Variants in PAXBP1 observed in about 807,000 individuals in gnomAD.
PAXBP1 encodes PAX3 and PAX7 binding protein 1, also known as PAX3- and PAX7-binding protein 1.
Under a neutral mutation model 119.9 loss-of-function variants are expected in PAXBP1, and 44 were observed. The ratio of observed to expected loss-of-function variants is 0.37; its 90% confidence interval spans 0.29 to 0.47. The LOEUF (loss-of-function observed/expected upper bound fraction) is 0.47. Ranked by LOEUF, PAXBP1 falls within the 20% of genes least tolerant of loss-of-function variation. The pLI, the probability that PAXBP1 is intolerant of heterozygous loss-of-function variation, is 0.99. For synonymous variants in PAXBP1, 393 were observed against 406.6 expected, an observed-to-expected ratio of 0.97 and a Z score of 0.40; for missense variants, 898 against 1,134.1, an observed-to-expected ratio of 0.79 and a Z score of 2.99.
chr21:32,737,337 G>A lies in PAXBP1; in HGVS notation c.2553C>T (p.Asn851=). Residue 851 remains asparagine (N), a synonymous_variant, in exon 17 of 18, where the codon AAC becomes AAT. Coordinates refer to ENST00000331923, the MANE Select transcript of PAXBP1 (RefSeq NM_016631.4). ...KGERTISQLE[N]FCRYLVHLAD... ...CTAAGTGTACAAGGTATCGGCAAAA[G>A]TTTTCTAACTGAGAAATAGTCCTTT... The A allele has an allele frequency of 6.2e-7, 1 of 1,609,542 alleles. No homozygotes were observed.
At chr21:32,741,687 A>G (rs1234407427) in intron 15 of PAXBP1, 2 of 620,538 alleles carry the variant, frequency 3.2e-6, no homozygotes, top group East Asian at 5.6e-5. Context: ...GCAGAGGCAA[A>G]ATTAAGAGTA....
intron 13 of PAXBP1, 94 bp from the exon 14 acceptor site, chr21:32,743,848 G>A (rs1323097986): frequency 2.9e-6 from 2 of 694,416 alleles, no homozygotes; most frequent in African/African-American, 1.8e-5. Flanking sequence ...ATTGAACTGA[G>A]TGAACTAGTT....
intron 13 of PAXBP1, 22 bp downstream of exon 13, chr21:32,744,770 G>C: frequency 6.5e-7 from 1 of 1,533,368 alleles, no homozygotes; most frequent in Non-Finnish European, 8.7e-7. Flanking sequence ...AAAAAAAAAG[G>C]CTTCAAAAGA....
At chr21:32,760,695 A>G (rs1356999061) in intron 5 of PAXBP1, among the ~76,000 whole-genome samples, 1 of 152,070 alleles carries the variant, frequency 6.6e-6, no homozygotes. Flanking sequence ...CACCACCCCA[A>G]GCTTCTGACT....
chr21:32,762,307 T>A lies in PAXBP1; in HGVS notation c.660A>T (p.Pro220=). ...SLNVLRPGEI[P]DAAFIHAARK... ...TTGCAGCATGTATAAAAGCTGCATC[T>A]GGAATTTCTCCTAGAAACAAATGGT... Residue 220 remains proline, a synonymous_variant, in exon 4 of 18, where the codon CCA becomes CCT. Coordinates refer to ENST00000331923, the MANE Select transcript of PAXBP1 (RefSeq NM_016631.4). 6.2e-7 allele frequency: 1 copy of A among 1,613,348 alleles called. No homozygotes were observed. Among genetic ancestry groups the A allele is most frequent in the Non-Finnish European group, 8.5e-7 (1 of 1,179,564 alleles).
At chr21:32,756,299 G>A (rs368813426) in intron 7 of PAXBP1, 14 of 533,926 alleles carry the variant, frequency 2.6e-5, no homozygotes, top group African/African-American at 2.5e-4. Flanking sequence ...TAGTGCAAAT[G>A]GAAAACACAT....
intron 16 of PAXBP1, among the ~76,000 whole-genome samples, chr21:32,737,725 T>G (rs1318770912): frequency 6.6e-6 from 1 of 152,176 alleles, no homozygotes; most frequent in Admixed American, 6.6e-5. Context: ...CTAAATATAC[T>G]GAATTTCCTT....
At chr21:32,760,092 C>G in intron 5 of PAXBP1, 98 bp from the exon 6 acceptor site, 1 of 891,978 alleles carries the variant, frequency 1.1e-6, no homozygotes, top group South Asian at 1.8e-5. Flanking sequence ...AAAATTATAC[C>G]TATTTGCCAA....
chr21:32,762,930 A>C (rs1426690959), intron 3 of PAXBP1, among the ~76,000 whole-genome samples: 1 of 151,810 alleles, frequency 6.6e-6, no homozygotes, highest in Admixed American at 6.6e-5. Context: ...AAAAAAAAAA[A>C]AGTAATGAAA....
chr21:32,743,137 A>C (rs2043814029), intron 15 of PAXBP1, 111 bp downstream of exon 15: 3 of 804,542 alleles, frequency 3.7e-6, no homozygotes, highest in Non-Finnish European at 6.4e-6. Flanking sequence ...TTGGGTATAG[A>C]TATAAATAGA....
chr21:32,768,516 A>G (rs917558076), intron 2 of PAXBP1, among the ~76,000 whole-genome samples: 24 of 152,218 alleles, frequency 1.6e-4, no homozygotes, highest in Admixed American at 4.6e-4. Flanking sequence ...CTAAAACAAC[A>G]GAAAACATTT....
chr21:32,769,205 T>C (rs1244836401), intron 2 of PAXBP1, among the ~76,000 whole-genome samples: 1 of 152,146 alleles, frequency 6.6e-6, no homozygotes, highest in Non-Finnish European at 1.5e-5. Flanking sequence ...ACTCAGACCA[T>C]AGAATATTAT....
In PAXBP1 at chr21:32,745,576, G is replaced by A. The variant is rs376586272; in HGVS notation, c.2066C>T (p.Thr689Ile). 1.2e-6 allele frequency: 2 copies of A among 1,613,774 alleles called. No individual in the cohort carries two copies. Among genetic ancestry groups the A allele is most frequent in the African/African-American group, 2.7e-5 (2 of 74,908 alleles). Residue 689 changes from threonine to isoleucine, a missense_variant and splice_region_variant, in exon 12 of 18, where the codon ACA becomes ATA. By Grantham distance (89) the Thr-to-Ile change is moderately conservative. This residue lies in a region of PAXBP1 where 599 missense variants were observed against 852.7 expected (regional missense o/e 0.70). Transcript: ENST00000331923. ...IVEKVILPKL[T>I]VIAENMWDPF... ...AATTCAGAGAACAGGAGATTTACCT[G>A]TTAGTTTAGGAAGAATCACCTTTTC...
At position 32,734,751 on chromosome 21, in the gene PAXBP1, A is replaced by G. The variant is rs1569151718; in HGVS notation, c.*199T>C. The G allele has an allele frequency of 8.5e-6, 5 of 590,112 alleles. No individual in the cohort carries two copies. Among genetic ancestry groups the G allele is most frequent in the Non-Finnish European group, 1.5e-5 (5 of 335,004 alleles). 36.6% of individuals were successfully genotyped at this position (590,112 alleles called of 1,614,324 possible). A position where few individuals can be genotyped will look rare whatever the true frequency, so the allele number is the denominator to read the frequency against. On this transcript the variant is annotated 3_prime_UTR_variant, in exon 18 of 18. Coordinates refer to ENST00000331923, the MANE Select transcript of PAXBP1 (RefSeq NM_016631.4). Reference sequence around the variant, plus strand: ...AAACAAAGTATGACAGGCAGTAAAGAAAACATTCATAGACTCCTAGAAATA... The same window carrying G: ...AAACAAAGTATGACAGGCAGTAAAGGAAACATTCATAGACTCCTAGAAATA...
intron 16 of PAXBP1, among the ~76,000 whole-genome samples, chr21:32,737,826 T>C (rs1232275047): frequency 2.6e-5 from 4 of 152,194 alleles, no homozygotes; most frequent in Admixed American, 2.6e-4. Flanking sequence ...TAGACATCCA[T>C]GCATGCTGCT....
At chr21:32,745,259 G>C (rs1231272459) in intron 12 of PAXBP1, among the ~76,000 whole-genome samples, 2 of 152,264 alleles carry the variant, frequency 1.3e-5, no homozygotes, top group South Asian at 2.1e-4. Context: ...ACTTATGAAA[G>C]CATTTTAATT....
chr21:32,759,582 T>C, intron 6 of PAXBP1, 195 bp downstream of exon 6: 1 of 622,700 alleles, frequency 1.6e-6, no homozygotes, highest in Non-Finnish European at 2.8e-6. Flanking sequence ...GCATTTTTTA[T>C]AATTTTTCGA....
chr21:32,743,565 T>TA, intron 14 of PAXBP1, 113 bp downstream of exon 14: 1 of 827,458 alleles, frequency 1.2e-6, no homozygotes, highest in Non-Finnish European at 2.0e-6. Flanking sequence ...AGTCTCTCTG[T>TA]AATACACTAC....
chr21:32,759,823 T>G lies in PAXBP1; in HGVS notation c.1147A>C (p.Met383Leu). The G allele has an allele frequency of 6.2e-7, 1 of 1,614,110 alleles. No homozygotes were observed. ...ACCAAATCAATAGTAACGGGAGTCA[T>G]CTCATTACTGGGAGTTTTGAAAGGG... is the stretch of plus-strand genomic sequence containing the variant. ...TVPFKTPSNEMTPVTIDLVKK... is the reference protein window; with the variant it reads ...TVPFKTPSNELTPVTIDLVKK... Residue 383 changes from methionine to leucine, a missense_variant, in exon 6 of 18, where the codon ATG (methionine) becomes CTG (leucine). Physicochemically the swap from Met to Leu is conservative, Grantham distance 15. Coordinates refer to ENST00000331923, the MANE Select transcript of PAXBP1 (RefSeq NM_016631.4).
Sources: gnomAD v4.1 joint callset for allele counts (sites outside exome capture counted in the v4.1 genomes callset) on GRCh38, gnomAD v4.1.1 for gene constraint, gnomAD v4.1.1 regional missense constraint, MANE v1.5 for transcripts, NCBI Gene and HGNC (gene_info 2026-07-23, HGNC 2026-07-21) for gene names.